CENPE: variants seen among roughly 807,000 people sequenced by gnomAD.
CENPE encodes the protein centromere protein E.
In CENPE, 145 loss-of-function variants were observed where a neutral mutation model predicts 336.1. The observed-to-expected ratio is 0.43, with a 90% confidence interval of 0.38 to 0.50. CENPE has a LOEUF of 0.50. Among genes scored for constraint, CENPE ranks in the 20% least tolerant of loss-of-function variants. The probability of loss-of-function intolerance (pLI) is 0.00; values close to 1 mark genes in which losing one functional copy is unlikely to be tolerated. For synonymous variants in CENPE, 1,013 were observed against 984.8 expected (o/e 1.03, Z -0.54); for missense variants, 2,719 against 3,023.3 (o/e 0.90, Z 2.36).
intron 31 of CENPE, 56 bp downstream of exon 31, chr4:103,145,467 G>A: frequency 2.0e-6 from 3 of 1,485,914 alleles, no homozygotes; most frequent in Non-Finnish European, 2.7e-6. Flanking sequence ...TCATAATTCA[G>A]TTAGCTACTC....
At chr4:103,192,369 G>A (rs1319380984) in intron 8 of CENPE, among the ~76,000 whole-genome samples, 1 of 152,192 alleles carries the variant, frequency 6.6e-6, no homozygotes, top group Non-Finnish European at 1.5e-5. Context: ...AGTTCATGTA[G>A]AGCAGAAGGA....
intron 43 of CENPE, among the ~76,000 whole-genome samples, chr4:103,122,278 C>G (rs553625313): frequency 1.3e-5 from 2 of 152,126 alleles, no homozygotes; most frequent in Non-Finnish European, 2.9e-5. Flanking sequence ...GGGTTCCCTA[C>G]AAGTCGTTTT....
At chr4:103,112,735 T>C (rs1319948235) in intron 46 of CENPE, among the ~76,000 whole-genome samples, 18 of 118,448 alleles carry the variant, frequency 1.5e-4, no homozygotes, top group South Asian at 7.8e-4. Context: ...TGTATATATA[T>C]ACTTATAAGT....
chr4:103,160,843 T>C (rs1754383703), intron 20 of CENPE, 64 bp from the exon 21 acceptor site: 4 of 1,385,124 alleles, frequency 2.9e-6, no homozygotes, highest in Non-Finnish European at 3.9e-6. Context: ...TAATTTTTAA[T>C]TGTCCTTGAA....
intron 42 of CENPE, among the ~76,000 whole-genome samples, chr4:103,128,678 A>G (rs1313017874): frequency 1.3e-5 from 2 of 152,206 alleles, no homozygotes; most frequent in Non-Finnish European, 2.9e-5. Context: ...TTTGAACTCA[A>G]TGAAAATGAA....
intron 8 of CENPE, among the ~76,000 whole-genome samples, chr4:103,189,961 A>C (rs897213467): frequency 2.0e-5 from 3 of 152,220 alleles, no homozygotes. Context: ...ATACAAAATC[A>C]ATGTGCAAAA....
chr4:103,128,825 G>A (rs563344486), intron 42 of CENPE, among the ~76,000 whole-genome samples: 1 of 152,118 alleles, frequency 6.6e-6, no homozygotes, highest in South Asian at 2.1e-4. Context: ...GAAACTAAAA[G>A]TGAAGAGCAA....
At position 103,136,136 on chromosome 4, in the gene CENPE, G is replaced by A. The variant is rs148445985; in HGVS notation, c.6522+5C>T. On this transcript the variant is annotated splice_donor_5th_base_variant and intron_variant, in intron 40 of 48. Coordinates refer to ENST00000265148, the MANE Select transcript of CENPE (RefSeq NM_001813.3). ...TTAAAAGGATATTACTAAAAAAGAT[G>A]GTACCTTCAGTTTCTTCATGATTCT... 2.1e-5 allele frequency: 34 copies of A among 1,604,190 alleles called. No individual in the cohort carries two copies. In the South Asian group the frequency reaches 3.5e-4, roughly 16 times the overall value.
intron 45 of CENPE, among the ~76,000 whole-genome samples, chr4:103,115,498 A>T (rs1750014990): frequency 6.6e-6 from 1 of 152,146 alleles, no homozygotes; most frequent in Non-Finnish European, 1.5e-5. Context: ...TCTATGTTTC[A>T]CTGAAACCAA....
Position 103,108,878 on chromosome 4 carries a change from C to T in CENPE, c.7936G>A (p.Asp2646Asn). ...GATGGTAAAGACTTTGATCGGCTAT[C>T]AAAAAAACAAGATTTTGGTGATTCC... ...PKESPKSCFFDSRSKSLPSPH... is the reference protein window; with the variant it reads ...PKESPKSCFFNSRSKSLPSPH... The change falls in exon 48 of 49, where the codon GAT (aspartate) becomes AAT (asparagine). Residue 2646 changes from aspartate (D) to asparagine (N), a missense_variant. Asp to Asn is a conservative substitution (Grantham distance 23). Transcript: ENST00000265148. 6.2e-7 allele frequency: 1 copy of T among 1,613,760 alleles called. No homozygotes were observed. The highest frequency in any genetic ancestry group is 1.1e-5 in the South Asian group (1 of 91,054).
chr4:103,176,124 A>G (rs531208607), intron 14 of CENPE, 76 bp from the exon 15 acceptor site: 2 of 832,086 alleles, frequency 2.4e-6, no homozygotes, highest in Admixed American at 5.2e-5. Context: ...AGATTACTAA[A>G]AAAATTCTTA....
chr4:103,162,175 G>A (rs1754504402), intron 18 of CENPE, among the ~76,000 whole-genome samples: 1 of 151,758 alleles, frequency 6.6e-6, no homozygotes, highest in Non-Finnish European at 1.5e-5. Flanking sequence ...ATATGAAATG[G>A]TATGAACCCC....
Position 103,161,121 on chromosome 4 carries a change from T to C in CENPE, c.2096A>G (p.Lys699Arg). 1 of 1,606,506 alleles carries C rather than the reference T, an allele frequency of 6.2e-7. No individual in the cohort carries two copies. The highest frequency in any genetic ancestry group is 8.5e-7 in the Non-Finnish European group (1 of 1,177,408). The change falls in exon 20 of 49, where the codon AAA becomes AGA. Residue 699 changes from lysine (K) to arginine (R), a missense_variant. Coordinates refer to ENST00000265148, the MANE Select transcript of CENPE (RefSeq NM_001813.3). Reference sequence around the variant, plus strand: ...TTTGCCATCTATAAGGGAGGTGAGTTTTGTTATCTCATTAAAAGCAGATTG... The same window carrying C: ...TTTGCCATCTATAAGGGAGGTGAGTCTTGTTATCTCATTAAAAGCAGATTG... ...ELQSAFNEIT[K>R]LTSLIDGKVP...
chr4:103,161,573 C>G (rs1454974693), intron 18 of CENPE, 116 bp from the exon 19 acceptor site: 2 of 784,964 alleles, frequency 2.5e-6, no homozygotes, highest in East Asian at 6.0e-5. Flanking sequence ...TACAAATATG[C>G]TAGTTACCAA....
At chr4:103,193,126 AACAGATGG>A (rs1757493250) in intron 8 of CENPE, among the ~76,000 whole-genome samples, 1 of 152,152 alleles carries the variant, frequency 6.6e-6, no homozygotes, top group East Asian at 1.9e-4. Context: ...GGAGGGTTGG[AACAGATGG>A]AACACAAATG....
intron 46 of CENPE, among the ~76,000 whole-genome samples, chr4:103,113,571 A>G (rs1454028023): frequency 7.0e-6 from 1 of 142,214 alleles, no homozygotes; most frequent in African/African-American, 2.6e-5. Context: ...TAAGTAATAT[A>G]TATTTTATAT....
At chr4:103,176,131 C>T in intron 14 of CENPE, 83 bp from the exon 15 acceptor site, 1 of 766,560 alleles carries the variant, frequency 1.3e-6, no homozygotes, top group Non-Finnish European at 2.1e-6. Context: ...TAAAAAAATT[C>T]TTATCAGAGA....
At chr4:103,138,515 C>G in intron 38 of CENPE, 66 bp from the exon 39 acceptor site, 1 of 970,828 alleles carries the variant, frequency 1.0e-6, no homozygotes, top group South Asian at 1.3e-5. Context: ...AATGTCTAAT[C>G]GCACACTTCT....
Position 103,196,215 on chromosome 4 carries a change from C to T in CENPE, c.186G>A (p.Val62=). ...TGATTGGTGCTGCTATTTCTTCATA[C>T]ACATTTTTGGTAGTTTCATTACCAT... is the stretch of plus-strand genomic sequence containing the variant. ...VFHGNETTKN[V]YEEIAAPIID... The change falls in exon 3 of 49, where the codon GTG becomes GTA. Residue 62 remains valine (V), a synonymous_variant. Transcript: ENST00000265148. 6.2e-7 allele frequency: 1 copy of T among 1,613,664 alleles called. No homozygotes were observed. Among genetic ancestry groups the T allele is most frequent in the Non-Finnish European group, 8.5e-7 (1 of 1,179,778 alleles).
Sources: allele counts gnomAD v4.1 joint callset (sites outside exome capture counted in the v4.1 genomes callset), GRCh38; gene constraint gnomAD v4.1.1; transcripts MANE v1.5; gene names NCBI Gene and HGNC (gene_info 2026-07-23, HGNC 2026-07-21).